Variants in CUEDC1 observed in about 807,000 individuals in gnomAD.
CUEDC1 encodes the protein CUE domain containing 1.
Under a neutral mutation model 43.7 loss-of-function variants are expected in CUEDC1, and 30 were observed. The ratio of observed to expected loss-of-function variants is 0.69; its 90% CI spans 0.51 to 0.93. The LOEUF (loss-of-function observed/expected upper bound fraction) is 0.93, where lower values mean the gene tolerates loss of function less well. CUEDC1 is among the 40% of genes least tolerant of loss of function. The pLI is 0.00. For missense variants in CUEDC1, 486 were observed against 549.0 expected (o/e 0.89, Z 1.15); for synonymous variants, 223 against 223.6 (o/e 1.00, Z 0.02).
intron 1 of CUEDC1, among the ~76,000 whole-genome samples, chr17:57,935,708 G>A (rs985690577): frequency 6.6e-6 from 1 of 152,110 alleles, no homozygotes; most frequent in Admixed American, 6.5e-5. Context: ...GCCAGGGGTT[G>A]CCATGGCCAC....
chr17:57,939,969 C>T (rs1487389569), intron 1 of CUEDC1, among the ~76,000 whole-genome samples: 1 of 151,940 alleles, frequency 6.6e-6, no homozygotes, highest in African/African-American at 2.4e-5. Flanking sequence ...GGAGACCAGG[C>T]ACTTCCTCCT....
chr17:57,869,072 G>A (rs371706527), intron 7 of CUEDC1, 50 bp downstream of exon 7: 61 of 1,592,232 alleles, frequency 3.8e-5, no homozygotes, highest in African/African-American at 2.9e-4. Context: ...AGGCCACAGG[G>A]CCTGTCTCAG....
Position 57,864,783 on chromosome 17 carries a change from G to A in CUEDC1, c.*4-1498C>T, listed in dbSNP as rs2073932416. On this transcript the variant is annotated intron_variant, in intron 10 of 10. Transcript: ENST00000577830. ...AAATAAATGATGAGGTGCAGGTACG[G>A]TGGCTCACACCTGTAATCCTAGCAC... 2.0e-5 allele frequency among the ~76,000 whole-genome samples: 3 copies of A among 152,298 alleles called. 1 individual carries two copies. In the South Asian group the frequency reaches 6.2e-4, roughly 32 times the overall value.
chr17:57,906,513 T>C (rs1238232463), intron 1 of CUEDC1, among the ~76,000 whole-genome samples: 2 of 152,210 alleles, frequency 1.3e-5, no homozygotes, highest in Non-Finnish European at 2.9e-5. Context: ...TTTGGGATGA[T>C]AAACAAGTTC....
chr17:57,913,850 C>T lies in CUEDC1; in HGVS notation c.-315-27971G>A, dbSNP rs1209965368. 3.3e-5 allele frequency among the ~76,000 whole-genome samples: 5 copies of T among 152,220 alleles called. No individual in the cohort carries two copies. In the East Asian group the frequency reaches 9.6e-4, roughly 29 times the overall value. Reference sequence around the variant, plus strand: ...CTTTCCTGACCCTGGGTTCTAACTCCTTGGCCCCAGAAGCCTCACCCTGGC... The same window carrying T: ...CTTTCCTGACCCTGGGTTCTAACTCTTTGGCCCCAGAAGCCTCACCCTGGC... On this transcript the variant is annotated intron_variant, in intron 1 of 10. Transcript: ENST00000577830.
rs923394841 is a variant in CUEDC1 at position 57,880,195 on chromosome 17, G to T, written c.337-457C>A. On this transcript the variant is annotated intron_variant, in intron 2 of 10. Coordinates refer to ENST00000577830, the MANE Select transcript of CUEDC1 (RefSeq NM_001271875.2). ...TGTGAAACTCCACCGAGCTGCATGC[G>T]TGTGACTCATGTGCTCCTGTACCCA... 2.0e-5 allele frequency among the ~76,000 whole-genome samples: 3 copies of T among 152,186 alleles called. No individual in the cohort carries two copies. The East Asian group carries it at 5.8e-4, about 29-fold the overall frequency.
At chr17:57,886,285 A>T (rs1466649414) in intron 1 of CUEDC1, among the ~76,000 whole-genome samples, 1 of 152,208 alleles carries the variant, frequency 6.6e-6, no homozygotes, top group Non-Finnish European at 1.5e-5. Flanking sequence ...ACATACTGCC[A>T]AAGACCCCTG....
chr17:57,906,626 A>G (rs2074531994), intron 1 of CUEDC1, among the ~76,000 whole-genome samples: 1 of 152,198 alleles, frequency 6.6e-6, no homozygotes, highest in Non-Finnish European at 1.5e-5. Flanking sequence ...TATATTTAGT[A>G]TGTTTTACAC....
At chr17:57,900,135 C>T (rs2074455981) in intron 1 of CUEDC1, among the ~76,000 whole-genome samples, 1 of 152,214 alleles carries the variant, frequency 6.6e-6, no homozygotes, top group Non-Finnish European at 1.5e-5. Context: ...CTGGTAGCCT[C>T]AGCCCCAAAT....
intron 1 of CUEDC1, among the ~76,000 whole-genome samples, chr17:57,887,655 C>CTTTTTTTTTTTTTTTT (rs3085786): frequency 1.4e-4 from 8 of 58,032 alleles, no homozygotes; most frequent in African/African-American, 2.1e-4. Flanking sequence ...CCACGCCTGG[C>CTTTTTTTTTTTTTTTT]TTTTTTTTTT....
At chr17:57,866,444 T>TCC in intron 10 of CUEDC1, 30 bp downstream of exon 10, 2 of 1,610,104 alleles carry the variant, frequency 1.2e-6, no homozygotes, top group Non-Finnish European at 1.7e-6. Flanking sequence ...CCTTGGGCAG[T>TCC]CCCTGGGTTG....
intron 7 of CUEDC1, 41 bp from the exon 8 acceptor site, chr17:57,868,284 A>ATCTGGTGTGCTG: frequency 6.4e-7 from 1 of 1,567,516 alleles, no homozygotes; most frequent in Non-Finnish European, 8.8e-7. Flanking sequence ...CTCAGCAGCC[A>ATCTGGTGTGCTG]GCACACCAGA....
rs2073884730 is a variant in CUEDC1, at chr17:57,862,006, T to C, written c.*1283A>G. 1 of 152,208 alleles carries C rather than the reference T, an allele frequency of 6.6e-6. No homozygotes were observed. The highest frequency in any genetic ancestry group is 1.5e-5 in the Non-Finnish European group (1 of 68,030). 9.4% of individuals were successfully genotyped at this position (152,208 alleles called of 1,614,324 possible). ...GCAGGGTGGGCGGGACGAGGTGCGA[T>C]CGCCGGCTCGCCTTCGCTACGCCCT... On this transcript the variant is annotated 3_prime_UTR_variant, in exon 11 of 11. Transcript: ENST00000577830.
At chr17:57,889,426 G>A (rs2012327) in intron 1 of CUEDC1, among the ~76,000 whole-genome samples, 101,673 of 152,092 alleles carry the variant, frequency 0.67, 34,302 homozygotes, top group East Asian at 0.99. Context: ...GGGGAGGCTG[G>A]GCTGGCCTGG....
At chr17:57,953,862 C>A (rs1428218179) in intron 1 of CUEDC1, among the ~76,000 whole-genome samples, 1 of 152,164 alleles carries the variant, frequency 6.6e-6, no homozygotes, top group Admixed American at 6.5e-5. Context: ...AAGTGGACAG[C>A]GGGTTTCACA....
intron 1 of CUEDC1, among the ~76,000 whole-genome samples, chr17:57,925,740 G>T (rs936914672): frequency 6.6e-6 from 1 of 152,190 alleles, no homozygotes; most frequent in African/African-American, 2.4e-5. Flanking sequence ...AGAATGGCAG[G>T]TCCCTAAGCC....
intron 1 of CUEDC1, among the ~76,000 whole-genome samples, chr17:57,911,061 A>T (rs2074578168): frequency 6.6e-6 from 1 of 152,154 alleles, no homozygotes; most frequent in African/African-American, 2.4e-5. Flanking sequence ...TTATGTAAAG[A>T]TCACATCCCT....
At chr17:57,928,568 C>CCTAGGGCTAA (rs2074772298) in intron 1 of CUEDC1, among the ~76,000 whole-genome samples, 2 of 136,818 alleles carry the variant, frequency 1.5e-5, no homozygotes, top group Non-Finnish European at 3.2e-5. Context: ...AAAAAAAGAA[C>CCTAGGGCTAA]CTAGGGCTAA....
chr17:57,931,225 T>A (rs1046089023), intron 1 of CUEDC1, among the ~76,000 whole-genome samples: 6 of 151,996 alleles, frequency 3.9e-5, no homozygotes, highest in Admixed American at 6.6e-5. Flanking sequence ...AAGTCGAGGC[T>A]GCAGTGAGCT....
Sources: allele counts gnomAD v4.1 joint callset (sites outside exome capture counted in the v4.1 genomes callset), GRCh38; gene constraint gnomAD v4.1.1; transcripts MANE v1.5; gene names NCBI Gene and HGNC (gene_info 2026-07-23, HGNC 2026-07-21).